Variants in ISCA2 observed in about 807,000 individuals in gnomAD.
The protein encoded by ISCA2 is iron-sulfur cluster assembly 2 homolog, mitochondrial.
In ISCA2, 21 loss-of-function variants were observed where a neutral mutation model predicts 19.1. The ratio of observed to expected loss-of-function variants is 1.10; its 90% CI spans 0.78 to 1.59. ISCA2 has a LOEUF of 1.59. Ranked by LOEUF, ISCA2 falls within the 40% of genes most tolerant of loss-of-function variation. ISCA2 has a pLI of 0.00. For synonymous variants in ISCA2, 107 were observed against 83.8 expected (o/e 1.28, Z -1.51); for missense variants, 181 against 191.7 (o/e 0.94, Z 0.33).
Position 74,493,853 on chromosome 14 carries a change from G to C in ISCA2, c.71+8G>C. The C allele has an allele frequency of 6.4e-7, 1 of 1,558,544 alleles. No individual in the cohort carries two copies. Among genetic ancestry groups the C allele is most frequent in the Non-Finnish European group, 8.7e-7 (1 of 1,150,414 alleles). On this transcript the variant is annotated splice_region_variant and intron_variant, in intron 1 of 3. Transcript: ENST00000556816. This position sits in a 1 kb window ranked among gnomAD's most constrained non-coding sequence, Gnocchi z 4.1. ...TCCCTGGCCGAGGGGCAGGTACCAA[G>C]ACTAGAAAGGCACCTGGAAAGGGTG... is the stretch of plus-strand genomic sequence containing the variant.
In ISCA2 at chr14:74,494,897, TGGA is replaced by T; in HGVS notation, c.363_365del (p.Asp122del). ...TTGGCCTTCGTGAAAGGGGCCCAGG[TGGA>T]CTTCAGCCAAGAACTGATCCGAAGC... On this transcript the variant is annotated inframe_deletion, in exon 4 of 4. Coordinates refer to ENST00000556816, the MANE Select transcript of ISCA2 (RefSeq NM_194279.4). 2 of 1,614,140 alleles carry T rather than the reference TGGA, an allele frequency of 1.2e-6. No individual in the cohort carries two copies. The highest frequency in any genetic ancestry group is 1.7e-6 in the Non-Finnish European group (2 of 1,179,990).
chr14:74,494,187 C>T, intron 2 of ISCA2, 35 bp downstream of exon 2: 1 of 1,584,820 alleles, frequency 6.3e-7, no homozygotes, highest in Non-Finnish European at 8.6e-7. Context: ...GGTACCCAGG[C>T]GATTGGCGGG....
chr14:74,494,409 G>A lies in ISCA2; in HGVS notation c.290+19G>A. On this transcript the variant is annotated intron_variant, in intron 3 of 3. Transcript: ENST00000556816. ...ACGACAGGCAAGGAGGAAGGGGTGGGCCCCCAAAGGAGGTACAGGAGGGAC... is the reference window on the plus strand; with the variant it reads ...ACGACAGGCAAGGAGGAAGGGGTGGACCCCCAAAGGAGGTACAGGAGGGAC... 13 of 1,563,606 alleles carry A rather than the reference G, an allele frequency of 8.3e-6. No homozygotes were observed. Among genetic ancestry groups the A allele is most frequent in the Non-Finnish European group, 1.1e-5 (13 of 1,133,844 alleles).
At position 74,494,107 on chromosome 14, in the gene ISCA2, CG is replaced by C; in HGVS notation, c.130del (p.Glu44ArgfsTer73). ...ARREASSSSPEAGEGQIRLTD... is the reference protein window; with the variant it reads ...ARREASSSSPXAGEGQIRLTD... ...GTCGGGAGGCGTCGTCCTCCAGCCC[CG>C]AGGCCGGCGAAGGGCAGATCCGCCT... On this transcript the variant is annotated frameshift_variant, in exon 2 of 4. Coordinates refer to ENST00000556816, the MANE Select transcript of ISCA2 (RefSeq NM_194279.4). LOFTEE classifies it high-confidence loss of function. 6.3e-7 allele frequency: 1 copy of C among 1,575,212 alleles called. No individual in the cohort carries two copies. Among genetic ancestry groups the C allele is most frequent in the South Asian group, 1.1e-5 (1 of 87,110 alleles).
At position 74,494,103 on chromosome 14, in the gene ISCA2, G is replaced by T. The variant is rs749217402; in HGVS notation, c.125G>T (p.Ser42Ile). Residue 42 changes from serine (S) to isoleucine (I), a missense_variant, in exon 2 of 4, where the codon AGC becomes ATC. Coordinates refer to ENST00000556816, the MANE Select transcript of ISCA2 (RefSeq NM_194279.4). ...GCGCGTCGGGAGGCGTCGTCCTCCA[G>T]CCCCGAGGCCGGCGAAGGGCAGATC... ...PQARREASSSSPEAGEGQIRL... is the reference protein window; with the variant it reads ...PQARREASSSIPEAGEGQIRL... 6.4e-7 allele frequency: 1 copy of T among 1,573,590 alleles called. No individual in the cohort carries two copies. The highest frequency in any genetic ancestry group is 8.6e-7 in the Non-Finnish European group (1 of 1,162,626).
rs2139679436 is a variant in ISCA2 at position 74,495,155 on chromosome 14, A to G, written c.*155A>G. The G allele has an allele frequency of 1.6e-6, 1 of 624,392 alleles. No homozygotes were observed. Among genetic ancestry groups the G allele is most frequent in the East Asian group, 2.8e-5 (1 of 35,122 alleles). 38.7% of individuals were successfully genotyped at this position (624,392 alleles called of 1,614,324 possible). A position where few individuals can be genotyped will look rare whatever the true frequency, so the allele number is the denominator to read the frequency against. ...ATGTTTTGCCACTATTATTTTCAGAATGTGAAGATTTTACTCTTGGCTTAA... is the reference window on the plus strand; with the variant it reads ...ATGTTTTGCCACTATTATTTTCAGAGTGTGAAGATTTTACTCTTGGCTTAA... On this transcript the variant is annotated 3_prime_UTR_variant, in exon 4 of 4. Transcript: ENST00000556816.
chr14:74,494,955 A>C lies in ISCA2; in HGVS notation c.420A>C (p.Ala140=), dbSNP rs774113898. 5.0e-6 allele frequency: 8 copies of C among 1,613,690 alleles called. No homozygotes were observed. Among genetic ancestry groups the C allele is most frequent in the Non-Finnish European group, 6.8e-6 (8 of 1,180,018 alleles). ...TTCAAGTGTTGAACAATCCTCAAGC[A>C]CAGCAAGGCTGCTCCTGTGGGTCAT... ...SSFQVLNNPQ[A]QQGCSCGSSF... The change falls in exon 4 of 4, where the codon GCA becomes GCC. Residue 140 remains alanine (A), a synonymous_variant. Coordinates refer to ENST00000556816, the MANE Select transcript of ISCA2 (RefSeq NM_194279.4).
intron 2 of ISCA2, 61 bp from the exon 3 acceptor site, chr14:74,494,214 C>T (rs778889596): frequency 1.0e-5 from 16 of 1,584,690 alleles, no homozygotes; most frequent in Admixed American, 3.4e-5. Context: ...GGGAACTGCT[C>T]TTCACTCAGC....
rs530597854 is a variant in ISCA2, at chr14:74,495,068, T to C, written c.*68T>C. The C allele has an allele frequency of 7.7e-5, 91 of 1,185,942 alleles. 1 individual carries two copies. In the South Asian group the frequency reaches 1.1e-3, roughly 15 times the overall value. 73.5% of individuals were successfully genotyped at this position (1,185,942 alleles called of 1,614,324 possible). ...TTTGAAGAACCTGGAATTAGTAGAA[T>C]TCTAGAAGTTTACTTCTAATCATGT... On this transcript the variant is annotated 3_prime_UTR_variant, in exon 4 of 4. Coordinates refer to ENST00000556816, the MANE Select transcript of ISCA2 (RefSeq NM_194279.4).
At chr14:74,494,694 A>T in intron 3 of ISCA2, 132 bp from the exon 4 acceptor site, 1 of 744,694 alleles carries the variant, frequency 1.3e-6, no homozygotes, top group Non-Finnish European at 2.2e-6. Context: ...CTCAAAGAAA[A>T]TCAGCACCTG....
In ISCA2 at chr14:74,495,182, T is replaced by C; in HGVS notation, c.*182T>C. 5.2e-6 allele frequency: 3 copies of C among 581,862 alleles called. No individual in the cohort carries two copies. The highest frequency in any genetic ancestry group is 9.0e-6 in the Non-Finnish European group (3 of 333,274). The allele number at this position is 581,862 out of a possible 1,614,324, so 36.0% of individuals were successfully genotyped here. On this transcript the variant is annotated 3_prime_UTR_variant, in exon 4 of 4. Coordinates refer to ENST00000556816, the MANE Select transcript of ISCA2 (RefSeq NM_194279.4). ...GTGAAGATTTTACTCTTGGCTTAATTTTTCCCTCCACTCAGTGCTAAGGCT... is the reference window on the plus strand; with the variant it reads ...GTGAAGATTTTACTCTTGGCTTAATCTTTCCCTCCACTCAGTGCTAAGGCT...
chr14:74,495,076 GTTTAC>G lies in ISCA2; in HGVS notation c.*79_*83del. 9.1e-7 allele frequency: 1 copy of G among 1,093,958 alleles called. No individual in the cohort carries two copies. The highest frequency in any genetic ancestry group is 1.4e-6 in the Non-Finnish European group (1 of 735,466). The allele number at this position is 1,093,958 out of a possible 1,614,324, so 67.8% of individuals were successfully genotyped here. A position where few individuals can be genotyped will look rare whatever the true frequency, so the allele number is the denominator to read the frequency against. ...ACCTGGAATTAGTAGAATTCTAGAAGTTTACTTCTAATCATGTCCCTCTCAATTTT... is the reference window on the plus strand; with the variant it reads ...ACCTGGAATTAGTAGAATTCTAGAAGTTCTAATCATGTCCCTCTCAATTTT... On this transcript the variant is annotated 3_prime_UTR_variant, in exon 4 of 4. Coordinates refer to ENST00000556816, the MANE Select transcript of ISCA2 (RefSeq NM_194279.4).
Position 74,493,840 on chromosome 14 carries a change from G to A in ISCA2, c.66G>A (p.Arg22=), listed in dbSNP as rs571679292. ...AGAGAGCGGTCACTCCCTGGCCGAG[G>A]GGCAGGTACCAAGACTAGAAAGGCA... is the stretch of plus-strand genomic sequence containing the variant. ...ATQRAVTPWP[R]GRLLTASLGP... The change falls in exon 1 of 4, where the codon AGG becomes AGA. Residue 22 remains arginine (R), a synonymous_variant. Coordinates refer to ENST00000556816, the MANE Select transcript of ISCA2 (RefSeq NM_194279.4). The surrounding 1 kb of genome is among the most constrained non-coding windows in gnomAD (Gnocchi z 4.1). 6 of 1,558,870 alleles carry A rather than the reference G, an allele frequency of 3.8e-6. No individual in the cohort carries two copies. The African/African-American group carries it at 4.1e-5, about 11-fold the overall frequency.
At position 74,493,774 on chromosome 14, in the gene ISCA2, G is replaced by A. The variant is rs1482088986; in HGVS notation, c.-1G>A. 2 of 1,519,758 alleles carry A rather than the reference G, an allele frequency of 1.3e-6. No homozygotes were observed. The highest frequency in any genetic ancestry group is 2.4e-5 in the East Asian group (1 of 42,086). The allele number at this position is 1,519,758 out of a possible 1,614,324, so 94.1% of individuals were successfully genotyped here. A position where few individuals can be genotyped will look rare whatever the true frequency, so the allele number is the denominator to read the frequency against. On this transcript the variant is annotated 5_prime_UTR_variant, in exon 1 of 4. Coordinates refer to ENST00000556816, the MANE Select transcript of ISCA2 (RefSeq NM_194279.4). This position sits in a 1 kb window ranked among gnomAD's most constrained non-coding sequence, Gnocchi z 4.1. ...GCGAGGGGCGGAGCTTGTGGAGGAA[G>A]ATGGCTGCCGCCTGGGGGTCGTCCC... is the stretch of plus-strand genomic sequence containing the variant.
Position 74,493,957 on chromosome 14 carries a change from T to G in ISCA2, c.72-93T>G, listed in dbSNP as rs1175624764. ...AGGGTTTGGTGGGAGGCCGTCCAGGTGGGGGTCGCCAGGTTTAGCGTGAGG... is the reference window on the plus strand; with the variant it reads ...AGGGTTTGGTGGGAGGCCGTCCAGGGGGGGGTCGCCAGGTTTAGCGTGAGG... On this transcript the variant is annotated intron_variant, in intron 1 of 3. Coordinates refer to ENST00000556816, the MANE Select transcript of ISCA2 (RefSeq NM_194279.4). The surrounding 1 kb of genome is among the most constrained non-coding windows in gnomAD (Gnocchi z 4.1). The G allele has an allele frequency of 2.0e-6, 3 of 1,466,380 alleles. No individual in the cohort carries two copies. Among genetic ancestry groups the G allele is most frequent in the African/African-American group, 2.8e-5 (2 of 71,058 alleles). The allele number at this position is 1,466,380 out of a possible 1,614,324, so 90.8% of individuals were successfully genotyped here. A position where few individuals can be genotyped will look rare whatever the true frequency, so the allele number is the denominator to read the frequency against.
chr14:74,495,075 A>C lies in ISCA2; in HGVS notation c.*75A>C. 4 of 1,096,428 alleles carry C rather than the reference A, an allele frequency of 3.6e-6. No homozygotes were observed. Among genetic ancestry groups the C allele is most frequent in the Non-Finnish European group, 5.4e-6 (4 of 736,972 alleles). The allele number at this position is 1,096,428 out of a possible 1,614,324, so 67.9% of individuals were successfully genotyped here. ...AACCTGGAATTAGTAGAATTCTAGA[A>C]GTTTACTTCTAATCATGTCCCTCTC... On this transcript the variant is annotated 3_prime_UTR_variant, in exon 4 of 4. Transcript: ENST00000556816.
At position 74,493,882 on chromosome 14, in the gene ISCA2, G is replaced by A. The variant is rs938119068; in HGVS notation, c.71+37G>A. ...AGAAAGGCACCTGGAAAGGGTGTTT[G>A]GTTCTGCGCCTCTAGGACAAATGGG... On this transcript the variant is annotated intron_variant, in intron 1 of 3. Coordinates refer to ENST00000556816, the MANE Select transcript of ISCA2 (RefSeq NM_194279.4). The surrounding 1 kb of genome is among the most constrained non-coding windows in gnomAD (Gnocchi z 4.1). The A allele has an allele frequency of 6.5e-7, 1 of 1,539,044 alleles. No homozygotes were observed.
chr14:74,494,047 C>G lies in ISCA2; in HGVS notation c.72-3C>G, dbSNP rs1157266619. 2.0e-6 allele frequency: 3 copies of G among 1,536,716 alleles called. No homozygotes were observed. Among genetic ancestry groups the G allele is most frequent in the South Asian group, 2.4e-5 (2 of 84,114 alleles). ...CGGGCTCACCCTCCTCCCTTGCGCG[C>G]AGGCTCCTCACGGCCTCCCTGGGAC... is the stretch of plus-strand genomic sequence containing the variant. On this transcript the variant is annotated splice_polypyrimidine_tract_variant and splice_region_variant and intron_variant, in intron 1 of 3. Coordinates refer to ENST00000556816, the MANE Select transcript of ISCA2 (RefSeq NM_194279.4).
Position 74,495,600 on chromosome 14 carries a change from T to C in ISCA2, c.*600T>C, listed in dbSNP as rs1168842868. 6.6e-6 allele frequency: 1 copy of C among 152,214 alleles called. No individual in the cohort carries two copies. The highest frequency in any genetic ancestry group is 2.4e-5 in the African/African-American group (1 of 41,456). The allele number at this position is 152,214 out of a possible 1,614,324, so 9.4% of individuals were successfully genotyped here. ...TATGAGTCATAAAACCAAGAGCCCG[T>C]TACCCAGAAAACTTGGACCAAACCC... is the stretch of plus-strand genomic sequence containing the variant. On this transcript the variant is annotated 3_prime_UTR_variant, in exon 4 of 4. Transcript: ENST00000556816.
Sources: gnomAD v4.1 joint callset for allele counts on GRCh38, gnomAD v4.1.1 for gene constraint, Gnocchi (gnomAD v3.1) non-coding constraint, MANE v1.5 for transcripts, NCBI Gene and HGNC (gene_info 2026-07-23, HGNC 2026-07-21) for gene names.